FUBP3: variants seen among roughly 807,000 people sequenced by gnomAD.
FUBP3 encodes far upstream element-binding protein 3.
Under a neutral mutation model 85.6 loss-of-function variants are expected in FUBP3, and 28 were observed. The observed-to-expected ratio is 0.33, with a 90% CI of 0.24 to 0.45. FUBP3 has a LOEUF of 0.45. Among genes scored for constraint, FUBP3 ranks in the 20% least tolerant of loss-of-function variants. The pLI is 1.00. For missense variants in FUBP3, 583 were observed against 755.1 expected (o/e 0.77, Z 2.67); for synonymous variants, 271 against 271.4 (o/e 1.00, Z 0.01).
At chr9:130,583,424 A>G (rs1830214338) in intron 1 of FUBP3, among the ~76,000 whole-genome samples, 3 of 152,316 alleles carry the variant, frequency 2.0e-5, no homozygotes, top group Middle Eastern at 3.4e-3. Flanking sequence ...GCCTCCATTC[A>G]TTGGCCAGTG....
chr9:130,635,958 C>T lies in FUBP3; in HGVS notation c.1583-41C>T. 1.9e-6 allele frequency: 3 copies of T among 1,602,816 alleles called. No individual in the cohort carries two copies. Among genetic ancestry groups the T allele is most frequent in the Non-Finnish European group, 1.7e-6 (2 of 1,174,490 alleles). ...TTGGGAAGGGTCCTGCCCAGTGCAC[C>T]TCCGCTCCCGATAACCTGTGTTTCC... is the stretch of plus-strand genomic sequence containing the variant. On this transcript the variant is annotated intron_variant, in intron 17 of 18. Transcript: ENST00000319725. The surrounding 1 kb of genome is among the most constrained non-coding windows in gnomAD (Gnocchi z 4.3).
chr9:130,604,656 G>A (rs2119052513), intron 2 of FUBP3, among the ~76,000 whole-genome samples: 1 of 152,286 alleles, frequency 6.6e-6, no homozygotes, highest in Non-Finnish European at 1.5e-5. Context: ...AATCCCCTTT[G>A]GGAGGCCAAG....
chr9:130,609,081 G>A (rs1831607795), intron 2 of FUBP3, among the ~76,000 whole-genome samples: 1 of 152,168 alleles, frequency 6.6e-6, no homozygotes, highest in East Asian at 1.9e-4. Context: ...TTTGTGATAT[G>A]TTTAGGATTT....
chr9:130,634,887 C>T (rs1830357977), intron 17 of FUBP3, 149 bp downstream of exon 17: 2 of 649,184 alleles, frequency 3.1e-6, no homozygotes, highest in Admixed American at 2.6e-5. Flanking sequence ...CCACCCTGTA[C>T]CTGCCTGCTT....
intron 2 of FUBP3, among the ~76,000 whole-genome samples, chr9:130,596,879 A>G (rs918641755): frequency 8.5e-5 from 13 of 152,184 alleles, no homozygotes; most frequent in Admixed American, 2.0e-4. Context: ...AAACGGGGGT[A>G]TCCATCCCCT....
At chr9:130,611,553 A>T (rs1441326832) in intron 3 of FUBP3, among the ~76,000 whole-genome samples, 1 of 152,154 alleles carries the variant, frequency 6.6e-6, no homozygotes, top group African/African-American at 2.4e-5. Context: ...CATTTCTTTT[A>T]AGTGATGCAC....
intron 1 of FUBP3, among the ~76,000 whole-genome samples, chr9:130,580,437 A>T (rs969459077): frequency 2.6e-5 from 4 of 152,228 alleles, no homozygotes; most frequent in African/African-American, 9.6e-5. Context: ...GCTTCCCCAG[A>T]GAGTGAATAT....
In FUBP3 at chr9:130,595,245, A is replaced by G. The variant is rs998455581; in HGVS notation, c.85-238A>G. ...CCGTCTCAAAAAAAAAAAAAAAAAA[A>G]GGATACTAATTTTCTGGTAGAGACA... On this transcript the variant is annotated intron_variant, in intron 1 of 18. Transcript: ENST00000319725. Among the ~76,000 whole-genome samples the G allele has an allele frequency of 4.2e-5, 6 of 141,710 alleles. No individual in the cohort carries two copies. The East Asian group carries it at 1.3e-3, about 30-fold the overall frequency. 93.0% of individuals were successfully genotyped at this position (141,710 alleles called of 152,430 possible). A position where few individuals can be genotyped will look rare whatever the true frequency, so the allele number is the denominator to read the frequency against.
Position 130,612,623 on chromosome 9 carries a change from C to T in FUBP3, c.274+118C>T, listed in dbSNP as rs1329003367. ...TTTTAATCTCTCTTGTGAGTATCAC[C>T]TGTAGTAGAATGCTTTGCACATGCC... On this transcript the variant is annotated intron_variant, in intron 4 of 18. Transcript: ENST00000319725. This position sits in a 1 kb window ranked among gnomAD's most constrained non-coding sequence, Gnocchi z 4.1. 2 of 736,296 alleles carry T rather than the reference C, an allele frequency of 2.7e-6. No homozygotes were observed. Among genetic ancestry groups the T allele is most frequent in the East Asian group, 5.2e-5 (2 of 38,834 alleles). The allele number at this position is 736,296 out of a possible 1,614,324, so 45.6% of individuals were successfully genotyped here.
intron 7 of FUBP3, among the ~76,000 whole-genome samples, chr9:130,617,043 T>C (rs1832042815): frequency 1.3e-5 from 2 of 152,234 alleles, no homozygotes; most frequent in African/African-American, 2.4e-5. Flanking sequence ...CATTAGCTGC[T>C]GTTAGTGCCA....
chr9:130,632,319 G>A (rs759873789), intron 16 of FUBP3, 41 bp downstream of exon 16: 2 of 1,497,478 alleles, frequency 1.3e-6, no homozygotes, highest in Non-Finnish European at 1.9e-6. Flanking sequence ...CTCCAGAAAG[G>A]TTGCGGCCCA....
intron 12 of FUBP3, among the ~76,000 whole-genome samples, chr9:130,628,710 C>T (rs1378628783): frequency 2.0e-5 from 3 of 152,122 alleles, no homozygotes; most frequent in Non-Finnish European, 4.4e-5. Context: ...TGGTAGGGTT[C>T]CCTCGAGTCT....
chr9:130,588,523 A>G (rs758889279), intron 1 of FUBP3, among the ~76,000 whole-genome samples: 1 of 152,158 alleles, frequency 6.6e-6, no homozygotes, highest in Admixed American at 6.5e-5. Flanking sequence ...TTGTTCTGCA[A>G]TAAGAGGTTA....
At chr9:130,586,748 T>TC (rs1422359643) in intron 1 of FUBP3, among the ~76,000 whole-genome samples, 40 of 125,982 alleles carry the variant, frequency 3.2e-4, no homozygotes, top group Admixed American at 3.1e-3. Context: ...GAAGCAGCAA[T>TC]CTTTTTTTTT....
In FUBP3 at chr9:130,635,798, A is replaced by T; in HGVS notation, c.1583-201A>T. The T allele has an allele frequency of 3.4e-6, 2 of 585,052 alleles. No homozygotes were observed. Among genetic ancestry groups the T allele is most frequent in the Non-Finnish European group, 6.1e-6 (2 of 330,154 alleles). The allele number at this position is 585,052 out of a possible 1,614,324, so 36.2% of individuals were successfully genotyped here. On this transcript the variant is annotated intron_variant, in intron 17 of 18. Transcript: ENST00000319725. This position sits in a 1 kb window ranked among gnomAD's most constrained non-coding sequence, Gnocchi z 4.3. ...GGCGTGAGGATTGGTCTTCACAGGC[A>T]TAGCAGGGGCCGGGCAACAAGAGGC...
chr9:130,593,546 T>C (rs1209194987), intron 1 of FUBP3, among the ~76,000 whole-genome samples: 1 of 152,276 alleles, frequency 6.6e-6, no homozygotes, highest in Non-Finnish European at 1.5e-5. Flanking sequence ...TGCCTCAACA[T>C]CACAGAACTC....
chr9:130,595,631 C>T, intron 2 of FUBP3, 43 bp downstream of exon 2: 1 of 865,514 alleles, frequency 1.2e-6, no homozygotes, highest in Non-Finnish European at 2.0e-6. Context: ...TGGTAGTGAA[C>T]CTGCCAGTTA....
At chr9:130,589,476 T>G (rs1326290787) in intron 1 of FUBP3, among the ~76,000 whole-genome samples, 1 of 151,098 alleles carries the variant, frequency 6.6e-6, no homozygotes, top group Non-Finnish European at 1.5e-5. Flanking sequence ...CCTGAGTAGC[T>G]GGGATTATTG....
chr9:130,615,876 CAGTG>C (rs1303971038), intron 6 of FUBP3, among the ~76,000 whole-genome samples: 2 of 152,214 alleles, frequency 1.3e-5, no homozygotes, highest in Non-Finnish European at 2.9e-5. Context: ...GGAGTTCAGA[CAGTG>C]AGTACTAATC....
Sources: allele counts gnomAD v4.1 joint callset (sites outside exome capture counted in the v4.1 genomes callset), GRCh38; gene constraint gnomAD v4.1.1; non-coding constraint Gnocchi (gnomAD v3.1); transcripts MANE v1.5; gene names NCBI Gene and HGNC (gene_info 2026-07-23, HGNC 2026-07-21).